Variants in NCAM1 observed in about 807,000 individuals in gnomAD.
NCAM1 encodes the protein neural cell adhesion molecule 1.
A neutral mutation model predicts 109.8 loss-of-function variants in NCAM1; 14 were observed. That is an observed-to-expected ratio of 0.13 (90% CI 0.08 to 0.20). The LOEUF (loss-of-function observed/expected upper bound fraction) is 0.20, where lower values mean the gene tolerates loss of function less well. Among genes scored for constraint, NCAM1 ranks in the 10% least tolerant of loss-of-function variants. The pLI is 1.00. For synonymous variants in NCAM1, 418 were observed against 442.9 expected, an observed-to-expected ratio of 0.94 and a Z score of 0.70; for missense variants, 774 against 1,109.9, an observed-to-expected ratio of 0.70 and a Z score of 4.30.
intron 1 of NCAM1, among the ~76,000 whole-genome samples, chr11:113,105,401 A>G (rs1366784921): frequency 6.6e-6 from 1 of 152,212 alleles, no homozygotes; most frequent in Non-Finnish European, 1.5e-5. Flanking sequence ...TTGTCAAAGA[A>G]AGATTGTGAT....
At chr11:113,115,151 T>G (rs1555094594) in intron 1 of NCAM1, among the ~76,000 whole-genome samples, 5 of 152,212 alleles carry the variant, frequency 3.3e-5, no homozygotes, top group African/African-American at 1.2e-4. Flanking sequence ...GAGTTGCTGT[T>G]ACTTTAGCAC....
chr11:113,090,566 C>T (rs1555089183), intron 1 of NCAM1, among the ~76,000 whole-genome samples: 1 of 152,170 alleles, frequency 6.6e-6, no homozygotes, highest in Non-Finnish European at 1.5e-5. Flanking sequence ...GCCACCGCAT[C>T]ACCACATCAG....
At chr11:113,062,477 C>T (rs1170341119) in intron 1 of NCAM1, among the ~76,000 whole-genome samples, 2 of 152,118 alleles carry the variant, frequency 1.3e-5, no homozygotes, top group East Asian at 1.9e-4. Context: ...TGTTATCTGC[C>T]CTCATGAATC....
At chr11:113,029,477 G>T (rs1555077990) in intron 1 of NCAM1, among the ~76,000 whole-genome samples, 1 of 152,170 alleles carries the variant, frequency 6.6e-6, no homozygotes, top group Non-Finnish European at 1.5e-5. Context: ...AAGCAATTCA[G>T]TATTGATACT....
Position 113,018,378 on chromosome 11 carries a change from G to A in NCAM1, c.52+56714G>A, listed in dbSNP as rs537159329. Among the ~76,000 whole-genome samples the A allele has an allele frequency of 1.5e-4, 23 of 151,832 alleles. No homozygotes were observed. In the South Asian group the frequency reaches 4.4e-3, roughly 29 times the overall value. ...AGGGATTTTTCTAAAAGGTGCCTGC[G>A]TCTCCAAGGGAACTTATTTCTCAGC... On this transcript the variant is annotated intron_variant, in intron 1 of 19. Transcript: ENST00000316851.
chr11:113,148,974 C>A (rs552060046), intron 1 of NCAM1, among the ~76,000 whole-genome samples: 1 of 152,266 alleles, frequency 6.6e-6, no homozygotes, highest in Admixed American at 6.5e-5. Flanking sequence ...GCTGAGAGCT[C>A]CAGCATCTCA....
intron 1 of NCAM1, among the ~76,000 whole-genome samples, chr11:113,049,647 C>T (rs1248139745): frequency 6.6e-6 from 1 of 152,118 alleles, no homozygotes; most frequent in Non-Finnish European, 1.5e-5. Flanking sequence ...CCTAGGGCTG[C>T]CCTGCCACAA....
chr11:113,009,314 T>TTTTTTGTTG lies in NCAM1; in HGVS notation c.52+47655_52+47656insGTTGTTTTT, dbSNP rs1478973109. Among the ~76,000 whole-genome samples, 153 of 93,458 alleles carry TTTTTTGTTG rather than the reference T, an allele frequency of 1.6e-3. 3 individuals carry two copies. The highest frequency in any genetic ancestry group is 7.9e-3 in the East Asian group (20 of 2,528). 61.3% of individuals were successfully genotyped at this position (93,458 alleles called of 152,430 possible). ...TTTAATTGGAAGGGTTTTTTCGGGT[T>TTTTTTGTTG]TTTTTTTTTTTTTTTTTTTTTTTTT... On this transcript the variant is annotated intron_variant, in intron 1 of 19. Coordinates refer to ENST00000316851, the MANE Select transcript of NCAM1 (RefSeq NM_181351.5).
intron 1 of NCAM1, among the ~76,000 whole-genome samples, chr11:113,158,894 G>A (rs1187701013): frequency 6.6e-6 from 1 of 152,156 alleles, no homozygotes; most frequent in Non-Finnish European, 1.5e-5. Context: ...ACAGCAGACA[G>A]CTTAATAACT....
chr11:113,154,168 C>A (rs536092268), intron 1 of NCAM1, among the ~76,000 whole-genome samples: 1 of 152,140 alleles, frequency 6.6e-6, no homozygotes, highest in African/African-American at 2.4e-5. Context: ...AAAGTTATAA[C>A]CTTAATGGAA....
At chr11:113,177,449 G>A (rs1375544988) in intron 1 of NCAM1, among the ~76,000 whole-genome samples, 1 of 152,136 alleles carries the variant, frequency 6.6e-6, no homozygotes, top group Non-Finnish European at 1.5e-5. Context: ...TGTTGTTGTT[G>A]TTGTTGCTGG....
At chr11:113,234,784 GC>G (rs1242382970) in intron 13 of NCAM1, among the ~76,000 whole-genome samples, 1 of 152,122 alleles carries the variant, frequency 6.6e-6, no homozygotes, top group East Asian at 1.9e-4. Context: ...TGTTTGGTCT[GC>G]CATCTGTATC....
intron 1 of NCAM1, among the ~76,000 whole-genome samples, chr11:113,084,416 G>C (rs1938987184): frequency 6.6e-6 from 1 of 152,170 alleles, no homozygotes; most frequent in Non-Finnish European, 1.5e-5. Flanking sequence ...ATGTAAGTAA[G>C]AGTGAAATCA....
intron 1 of NCAM1, chr11:113,197,184 AT>A: frequency 7.6e-6 from 2 of 263,762 alleles, no homozygotes; most frequent in South Asian, 3.6e-5. Context: ...ACATGTGGGG[AT>A]TATGGGAATT....
In NCAM1 at chr11:113,277,282, A is replaced by C; in HGVS notation, c.*1895A>C. The stretch of plus-strand genomic sequence containing the variant: ...TGATCAGTGGCGATGCTAGATTATA[A>C]TTTCAAACTGTGAAGAATAATGGTC... On this transcript the variant is annotated 3_prime_UTR_variant, in exon 20 of 20. Transcript: ENST00000316851. 2.5e-6 allele frequency: 1 copy of C among 399,024 alleles called. No homozygotes were observed. The highest frequency in any genetic ancestry group is 4.4e-6 in the Non-Finnish European group (1 of 226,034). The allele number at this position is 399,024 out of a possible 1,614,324, so 24.7% of individuals were successfully genotyped here.
intron 1 of NCAM1, among the ~76,000 whole-genome samples, chr11:113,037,764 G>C (rs1555079424): frequency 6.6e-6 from 1 of 152,138 alleles, no homozygotes; most frequent in African/African-American, 2.4e-5. Context: ...TTCTGCTTCA[G>C]ATACCATACT....
At chr11:113,247,568 G>A (rs1389531107) in intron 15 of NCAM1, among the ~76,000 whole-genome samples, 4 of 152,140 alleles carry the variant, frequency 2.6e-5, no homozygotes, top group Admixed American at 2.6e-4. Flanking sequence ...GAGCCCCTCA[G>A]CTTTATAGGG....
intron 1 of NCAM1, among the ~76,000 whole-genome samples, chr11:113,117,763 C>T (rs1555095202): frequency 1.3e-5 from 2 of 151,906 alleles, no homozygotes; most frequent in African/African-American, 4.8e-5. Context: ...AGTTTAAAGC[C>T]AGAACAGAAT....
intron 7 of NCAM1, 134 bp from the exon 8 acceptor site, chr11:113,214,235 C>T (rs1294480744): frequency 4.8e-6 from 4 of 826,312 alleles, no homozygotes; most frequent in Non-Finnish European, 7.5e-6. Context: ...GTCAGGTCTG[C>T]ATCTCCTAAA....
Sources: allele counts gnomAD v4.1 joint callset (sites outside exome capture counted in the v4.1 genomes callset), GRCh38; gene constraint gnomAD v4.1.1; transcripts MANE v1.5; gene names NCBI Gene and HGNC (gene_info 2026-07-23, HGNC 2026-07-21).